Variants in WDPCP observed in about 807,000 individuals in gnomAD.
The protein encoded by WDPCP is WD repeat-containing and planar cell polarity effector protein fritz homolog.
WDPCP carries 71 observed loss-of-function variants against 93.1 expected under a neutral mutation model. The ratio of observed to expected loss-of-function variants is 0.76; its 90% CI spans 0.63 to 0.93. The LOEUF (loss-of-function observed/expected upper bound fraction) is 0.93. WDPCP is among the 40% of genes least tolerant of loss of function. The pLI is 0.00. For missense variants in WDPCP, 844 were observed against 887.4 expected (o/e 0.95, Z 0.62); for synonymous variants, 315 against 315.0 (o/e 1.00, Z 0.00).
intron 14 of WDPCP, among the ~76,000 whole-genome samples, chr2:63,214,014 T>C (rs983664669): frequency 6.6e-6 from 1 of 152,116 alleles, no homozygotes. Context: ...CAGGACCAGA[T>C]GGATTCACAG....
chr2:63,770,356 A>G (rs1670206746), intron 2 of WDPCP, among the ~76,000 whole-genome samples: 1 of 151,954 alleles, frequency 6.6e-6, no homozygotes, highest in African/African-American at 2.4e-5. Context: ...ATATATTCAA[A>G]AAGAAGGTGA....
At position 63,297,111 on chromosome 2, in the gene WDPCP, C is replaced by T. The variant is rs559926032; in HGVS notation, c.1812+16137G>A. ...GGCTGAAGAAGAGACCCGGAGCCAG[C>T]AAACGAGGCACAGCATTTAGTGAGG... is the stretch of plus-strand genomic sequence containing the variant. On this transcript the variant is annotated intron_variant, in intron 13 of 17. Coordinates refer to ENST00000272321, the MANE Select transcript of WDPCP (RefSeq NM_015910.7). 2.6e-5 allele frequency among the ~76,000 whole-genome samples: 4 copies of T among 152,256 alleles called. No individual in the cohort carries two copies. The East Asian group carries it at 7.7e-4, about 29-fold the overall frequency.
In WDPCP at chr2:63,714,077, C is replaced by T. The variant is rs531459677; in HGVS notation, n.309-63239G>A. On this transcript the variant is annotated intron_variant and non_coding_transcript_variant, in intron 2 of 4. Transcript: ENST00000467687. ...ATTCTTTTTTTTTTTTTTTTTGAGA[C>T]GGAGTTTCATTCTTGTTGCCCAGGC... Among the ~76,000 whole-genome samples the T allele has an allele frequency of 3.4e-4, 47 of 138,166 alleles. 1 individual carries two copies. The highest frequency in any genetic ancestry group is 1.1e-3 in the African/African-American group (42 of 37,274). The allele number at this position is 138,166 out of a possible 152,430, so 90.6% of individuals were successfully genotyped here. A position where few individuals can be genotyped will look rare whatever the true frequency, so the allele number is the denominator to read the frequency against.
At chr2:63,593,980 C>G in intron 3 of WDPCP, among the ~76,000 whole-genome samples, 1 of 152,130 alleles carries the variant, frequency 6.6e-6, no homozygotes, top group Non-Finnish European at 1.5e-5. Context: ...TGTTGTTTCT[C>G]CCGAAATAAA....
intron 1 of WDPCP, among the ~76,000 whole-genome samples, chr2:63,584,634 GA>G (rs1708721439): frequency 6.6e-6 from 1 of 152,066 alleles, no homozygotes; most frequent in African/African-American, 2.4e-5. Context: ...TGTGCTCTTA[GA>G]AACAGTGCTT....
chr2:63,531,323 G>A (rs1703826365), intron 1 of WDPCP, among the ~76,000 whole-genome samples: 1 of 152,200 alleles, frequency 6.6e-6, no homozygotes. Context: ...CCTGTCTGAC[G>A]ATTTGAAGAG....
chr2:63,655,020 A>G (rs1252288252), intron 2 of WDPCP, among the ~76,000 whole-genome samples: 2 of 152,184 alleles, frequency 1.3e-5, no homozygotes, highest in Non-Finnish European at 2.9e-5. Context: ...ACCAAGCCAG[A>G]GATGAGAGAC....
In WDPCP at chr2:63,472,651, C is replaced by T. The variant is rs187743762; in HGVS notation, c.384+11953G>A. ...TCTCCCAGGCTGGAGTACAGTAGTG[C>T]GATCTTGGCTCACTGCAACCTTCGC... On this transcript the variant is annotated intron_variant, in intron 6 of 17. Transcript: ENST00000272321. Among the ~76,000 whole-genome samples, 117 of 152,092 alleles carry T rather than the reference C, an allele frequency of 7.7e-4. 4 individuals are homozygous for T. The East Asian group carries it at 0.013, about 17-fold the overall frequency.
At chr2:63,662,639 CAGAGAGAGAGAGAGAG>C (rs3077036) in intron 2 of WDPCP, among the ~76,000 whole-genome samples, 1 of 147,122 alleles carries the variant, frequency 6.8e-6, no homozygotes, top group Non-Finnish European at 1.5e-5. Flanking sequence ...TCATCTCTTC[CAGAGAGAGAGAGAGAG>C]AGAGAGAGAG....
At chr2:63,361,865 G>A (rs1690483392) in intron 12 of WDPCP, among the ~76,000 whole-genome samples, 1 of 152,106 alleles carries the variant, frequency 6.6e-6, no homozygotes, top group African/African-American at 2.4e-5. Flanking sequence ...GGTATCTCAG[G>A]GCATAGAAGC....
At chr2:63,632,910 C>T (rs1039014305) in intron 3 of WDPCP, among the ~76,000 whole-genome samples, 3 of 152,098 alleles carry the variant, frequency 2.0e-5, no homozygotes, top group African/African-American at 7.2e-5. Context: ...CCAAAGAGGA[C>T]TTCACCAAAA....
intron 3 of WDPCP, among the ~76,000 whole-genome samples, chr2:63,609,387 A>G (rs1709590977): frequency 1.3e-5 from 2 of 151,874 alleles, no homozygotes; most frequent in African/African-American, 4.8e-5. Context: ...CAAAATATAT[A>G]TATATACACA....
At chr2:63,492,982 T>C in intron 1 of WDPCP, 42 bp from the exon 2 acceptor site, 1 of 1,543,296 alleles carries the variant, frequency 6.5e-7, no homozygotes, top group Non-Finnish European at 9.0e-7. Context: ...ATTAATTATC[T>C]TCTATTGCCA....
intron 13 of WDPCP, among the ~76,000 whole-genome samples, chr2:63,304,634 C>A (rs1685580081): frequency 6.6e-6 from 1 of 152,178 alleles, no homozygotes; most frequent in Non-Finnish European, 1.5e-5. Flanking sequence ...GTGCCTACAC[C>A]ACCAGGGCCC....
intron 12 of WDPCP, among the ~76,000 whole-genome samples, chr2:63,361,690 T>G (rs1390304070): frequency 6.6e-6 from 1 of 152,202 alleles, no homozygotes; most frequent in African/African-American, 2.4e-5. Flanking sequence ...ACTAGCCTGA[T>G]TCTTTCATTT....
At chr2:63,734,906 C>CAGGT (rs1669617476) in intron 2 of WDPCP, among the ~76,000 whole-genome samples, 1 of 147,882 alleles carries the variant, frequency 6.8e-6, no homozygotes, top group Non-Finnish European at 1.5e-5. Flanking sequence ...GACAGACAGA[C>CAGGT]AGATAGATAG....
At chr2:63,287,293 TC>T (rs1406899081) in intron 13 of WDPCP, among the ~76,000 whole-genome samples, 2 of 151,916 alleles carry the variant, frequency 1.3e-5, no homozygotes, top group African/African-American at 4.8e-5. Context: ...CACCATCCAT[TC>T]TTTTTTTTTT....
chr2:63,139,407 C>T (rs1670896345), intron 17 of WDPCP, among the ~76,000 whole-genome samples: 1 of 152,202 alleles, frequency 6.6e-6, no homozygotes, highest in Non-Finnish European at 1.5e-5. Context: ...ACACTGTTTT[C>T]CATAGTGGCT....
intron 2 of WDPCP, among the ~76,000 whole-genome samples, chr2:63,712,281 G>A (rs927326105): frequency 4.6e-5 from 7 of 152,140 alleles, no homozygotes; most frequent in Non-Finnish European, 1.0e-4. Context: ...GAACCCAGGT[G>A]TTATCCAAAA....
Sources: gnomAD v4.1 joint callset for allele counts (sites outside exome capture counted in the v4.1 genomes callset) on GRCh38, gnomAD v4.1.1 for gene constraint, MANE v1.5 for transcripts, NCBI Gene and HGNC (gene_info 2026-07-23, HGNC 2026-07-21) for gene names.